Variants in ARHGEF10 observed in about 807,000 individuals in gnomAD.
The protein encoded by ARHGEF10 is Rho guanine nucleotide exchange factor (GEF) 10.
ARHGEF10 carries 140 observed loss-of-function variants against 147.4 expected under a neutral mutation model. The ratio of observed to expected loss-of-function variants is 0.95; its 90% confidence interval spans 0.83 to 1.09. ARHGEF10 has a LOEUF of 1.09. ARHGEF10 is among the 50% of genes least tolerant of loss of function. The pLI is 0.00. For missense variants in ARHGEF10, 2,222 were observed against 1,752.7 expected (o/e 1.27, Z -4.78); for synonymous variants, 902 against 695.8 (o/e 1.30, Z -4.67).
At chr8:1,851,195 C>T (rs933772607) in intron 2 of ARHGEF10, among the ~76,000 whole-genome samples, 2 of 150,158 alleles carry the variant, frequency 1.3e-5, no homozygotes, top group Non-Finnish European at 3.0e-5. Context: ...CGACGTACCT[C>T]AACATCATTA....
At chr8:1,854,719 A>C (rs1328103455) in intron 2 of ARHGEF10, among the ~76,000 whole-genome samples, 1 of 152,128 alleles carries the variant, frequency 6.6e-6, no homozygotes, top group Non-Finnish European at 1.5e-5. Flanking sequence ...CTAGGGGAAA[A>C]AGTGAGTTAT....
intron 23 of ARHGEF10, among the ~76,000 whole-genome samples, chr8:1,928,144 T>A (rs559181184): frequency 6.6e-6 from 1 of 152,298 alleles, no homozygotes; most frequent in Admixed American, 6.5e-5. Flanking sequence ...GCCCTTACCT[T>A]CATATTGTGA....
At chr8:1,832,399 GAGAGGC>G (rs760991520) in intron 1 of ARHGEF10, among the ~76,000 whole-genome samples, 23 of 47,524 alleles carry the variant, frequency 4.8e-4, no homozygotes, top group Non-Finnish European at 5.3e-4. Context: ...CAGAGACAGA[GAGAGGC>G]AGAGGCAGAG....
At chr8:1,847,131 G>T (rs539619883) in intron 2 of ARHGEF10, among the ~76,000 whole-genome samples, 1 of 152,196 alleles carries the variant, frequency 6.6e-6, no homozygotes, top group Admixed American at 6.5e-5. Flanking sequence ...GGGAAGTGGT[G>T]TTGGAGAGGC....
intron 18 of ARHGEF10, among the ~76,000 whole-genome samples, chr8:1,913,893 A>G (rs779390944): frequency 2.0e-5 from 3 of 152,156 alleles, no homozygotes; most frequent in Admixed American, 6.5e-5. Context: ...GCAAGCTTGT[A>G]CCGTGAGGAG....
rs779634672 is a variant in ARHGEF10, at chr8:1,933,877, G to T, written c.3157G>T (p.Asp1053Tyr). The T allele has an allele frequency of 3.1e-6, 5 of 1,614,118 alleles. No homozygotes were observed. The African/African-American group carries it at 5.3e-5, about 17-fold the overall frequency. The change falls in exon 26 of 29, where the codon GAC becomes TAC. Residue 1053 changes from aspartate to tyrosine, a missense_variant. By Grantham distance (160) the Asp-to-Tyr change is radical. Transcript: ENST00000349830. ...LPVRSLLMME[D>Y]TLWAASGGQV... The stretch of plus-strand genomic sequence containing the variant: ...AGTTAGAAGTCTACTCATGATGGAA[G>T]ACACGTTGTGGGCGGCTTCCGGAGG...
chr8:1,864,040 C>T (rs1390094171), intron 4 of ARHGEF10, among the ~76,000 whole-genome samples: 2 of 151,646 alleles, frequency 1.3e-5, no homozygotes, highest in African/African-American at 2.4e-5. Flanking sequence ...CCTGATGCAT[C>T]TGGGTGCCGG....
chr8:1,868,988 G>A (rs943065599), intron 6 of ARHGEF10, among the ~76,000 whole-genome samples: 1 of 151,850 alleles, frequency 6.6e-6, no homozygotes, highest in Non-Finnish European at 1.5e-5. Context: ...CTTATGCTTT[G>A]GTAAGGTGCT....
rs1809722758 is a variant in ARHGEF10 at position 1,893,581 on chromosome 8, T to A, written c.1195T>A (p.Tyr399Asn). The change falls in exon 12 of 29, where the codon TAT (tyrosine) becomes AAT (asparagine). Residue 399 changes from tyrosine (Y) to asparagine (N), a missense_variant. By Grantham distance (143) the Tyr-to-Asn change is moderately radical. Coordinates refer to ENST00000349830, the MANE Select transcript of ARHGEF10 (RefSeq NM_014629.4). ...GLSQQQVVRRYILGSVVDSEK... is the reference protein window; with the variant it reads ...GLSQQQVVRRNILGSVVDSEK... ...AAATTTCCAACAGGTTGTAAGAAGA[T>A]ATATACTGGGTTCAGTTGTCGACAG... is the stretch of plus-strand genomic sequence containing the variant. The A allele has an allele frequency of 6.2e-7, 1 of 1,613,224 alleles. No homozygotes were observed. Among genetic ancestry groups the A allele is most frequent in the Non-Finnish European group, 8.5e-7 (1 of 1,179,270 alleles).
chr8:1,913,347 C>T (rs938250020), intron 18 of ARHGEF10, among the ~76,000 whole-genome samples: 2 of 152,136 alleles, frequency 1.3e-5, no homozygotes, highest in Admixed American at 1.3e-4. Context: ...AGTCAGTGTA[C>T]AGGTGAAGTT....
At chr8:1,925,832 T>A (rs557765094) in intron 22 of ARHGEF10, among the ~76,000 whole-genome samples, 5 of 152,310 alleles carry the variant, frequency 3.3e-5, no homozygotes, top group African/African-American at 1.2e-4. Context: ...GGTGGCGTCT[T>A]ATTAATGTTC....
rs148377024 is a variant in ARHGEF10, at chr8:1,953,835, CA to C, written c.3520+1009del. Among the ~76,000 whole-genome samples the C allele has an allele frequency of 9.4e-3, 1,436 of 152,246 alleles. 21 individuals carry two copies. Among genetic ancestry groups the C allele is most frequent in the African/African-American group, 0.032 (1,340 of 41,540 alleles). On this transcript the variant is annotated intron_variant, in intron 28 of 28. Transcript: ENST00000349830. ...ATTCTATGTGGGTTACTATGTCAGC[CA>C]GGGGGAAATACTAACAGAGAAAACG...
intron 25 of ARHGEF10, among the ~76,000 whole-genome samples, chr8:1,932,690 C>T (rs1424779092): frequency 1.3e-5 from 2 of 152,202 alleles, no homozygotes; most frequent in Admixed American, 6.5e-5. Flanking sequence ...TTTCCATTAA[C>T]GTTGAATTAT....
chr8:1,885,819 C>G, intron 11 of ARHGEF10, 112 bp downstream of exon 11: 1 of 853,760 alleles, frequency 1.2e-6, no homozygotes. Flanking sequence ...AACTCTGCAT[C>G]CACTCGGGCC....
intron 8 of ARHGEF10, among the ~76,000 whole-genome samples, chr8:1,878,984 G>A (rs1344737298): frequency 2.0e-5 from 3 of 152,228 alleles, no homozygotes; most frequent in African/African-American, 7.2e-5. Context: ...GGTGCAGACA[G>A]GGCGCCCGTG....
chr8:1,886,738 C>T (rs970697891), intron 11 of ARHGEF10, among the ~76,000 whole-genome samples: 4 of 152,178 alleles, frequency 2.6e-5, no homozygotes, highest in African/African-American at 4.8e-5. Context: ...CTTGCAAATC[C>T]CGTTGCCATC....
intron 17 of ARHGEF10, among the ~76,000 whole-genome samples, chr8:1,909,049 A>G (rs1247791470): frequency 6.6e-6 from 1 of 152,162 alleles, no homozygotes; most frequent in African/African-American, 2.4e-5. Flanking sequence ...AAAACCTCGG[A>G]GCTTCCGGGA....
chr8:1,877,400 G>A (rs181874318), intron 8 of ARHGEF10, among the ~76,000 whole-genome samples: 234 of 152,094 alleles, frequency 1.5e-3, no homozygotes, highest in African/African-American at 5.2e-3. Flanking sequence ...GCTAATTTTC[G>A]TATTTTTATT....
At chr8:1,941,823 G>A (rs1260482849) in intron 26 of ARHGEF10, among the ~76,000 whole-genome samples, 1 of 152,074 alleles carries the variant, frequency 6.6e-6, no homozygotes, top group African/African-American at 2.4e-5. Flanking sequence ...TTTTCAACAC[G>A]GTGCCAAAAC....
Sources: allele counts gnomAD v4.1 joint callset (sites outside exome capture counted in the v4.1 genomes callset), GRCh38; gene constraint gnomAD v4.1.1; transcripts MANE v1.5; gene names NCBI Gene and HGNC (gene_info 2026-07-23, HGNC 2026-07-21).